Variants in AOPEP observed in about 807,000 individuals in gnomAD.
AOPEP encodes the protein aminopeptidase O.
Under a neutral mutation model 98.1 loss-of-function variants are expected in AOPEP, and 77 were observed. The observed-to-expected ratio is 0.78, with a 90% CI of 0.65 to 0.95. AOPEP has a LOEUF of 0.95. Among genes scored for constraint, AOPEP ranks in the 40% least tolerant of loss-of-function variants. AOPEP has a pLI of 0.00. For synonymous variants in AOPEP, 346 were observed against 365.3 expected (o/e 0.95, Z 0.60); for missense variants, 1,024 against 1,024.7 (o/e 1.00, Z 0.01).
chr9:94,912,430 T>C (rs1375630278), intron 5 of AOPEP, among the ~76,000 whole-genome samples: 1 of 151,974 alleles, frequency 6.6e-6, no homozygotes, highest in African/African-American at 2.4e-5. Context: ...AAAGAAGGAA[T>C]GTGATATGTT....
chr9:94,823,916 G>A (rs1474139250), intron 5 of AOPEP, among the ~76,000 whole-genome samples: 5 of 152,164 alleles, frequency 3.3e-5, no homozygotes, highest in African/African-American at 7.2e-5. Flanking sequence ...GTCACGTGAC[G>A]TTGAATTGTA....
At position 95,060,830 on chromosome 9, in the gene AOPEP, G is replaced by T; in HGVS notation, c.2232+20G>T. On this transcript the variant is annotated intron_variant, in intron 14 of 16. Transcript: ENST00000375315. Reference sequence around the variant, plus strand: ...GCAGAGGTAACCAGGAACACTCTCGGAGTTTAACCAGCAGGTCCCCACTGT... The same window carrying T: ...GCAGAGGTAACCAGGAACACTCTCGTAGTTTAACCAGCAGGTCCCCACTGT... 1 of 1,476,650 alleles carries T rather than the reference G, an allele frequency of 6.8e-7. No homozygotes were observed. The highest frequency in any genetic ancestry group is 9.5e-7 in the Non-Finnish European group (1 of 1,054,596). 91.5% of individuals were successfully genotyped at this position (1,476,650 alleles called of 1,614,324 possible).
chr9:95,023,556 T>G (rs2063621255), intron 13 of AOPEP, among the ~76,000 whole-genome samples: 1 of 152,212 alleles, frequency 6.6e-6, no homozygotes, highest in Non-Finnish European at 1.5e-5. Flanking sequence ...TAGAGCTGTT[T>G]TATTGATTTT....
chr9:94,979,523 T>A, intron 11 of AOPEP, 96 bp downstream of exon 11: 1 of 761,304 alleles, frequency 1.3e-6, no homozygotes, highest in Non-Finnish European at 2.3e-6. Context: ...AATATATGTG[T>A]AGGAAAGTAA....
At chr9:94,838,095 G>A (rs1004176787) in intron 5 of AOPEP, among the ~76,000 whole-genome samples, 1 of 151,910 alleles carries the variant, frequency 6.6e-6, no homozygotes, top group Admixed American at 6.6e-5. Flanking sequence ...TGCAAGCCCC[G>A]CCTCCTGGGT....
At chr9:94,787,904 C>T (rs1469409371) in intron 3 of AOPEP, among the ~76,000 whole-genome samples, 1 of 152,076 alleles carries the variant, frequency 6.6e-6, no homozygotes, top group Non-Finnish European at 1.5e-5. Flanking sequence ...GCATGTCCTT[C>T]AGTAAGATGC....
At chr9:94,826,088 G>A (rs1433536672) in intron 5 of AOPEP, among the ~76,000 whole-genome samples, 1 of 151,868 alleles carries the variant, frequency 6.6e-6, no homozygotes, top group Non-Finnish European at 1.5e-5. Flanking sequence ...GGTGAAATCT[G>A]TGTCAAAGCT....
chr9:95,100,942 T>C, the AOPEP span: 1 of 233,098 alleles, frequency 4.3e-6, no homozygotes, highest in Non-Finnish European at 8.5e-6. Context: ...GCCAATTCTT[T>C]ATCAGGAATT....
At chr9:95,067,466 G>C (rs1313464782) in intron 14 of AOPEP, among the ~76,000 whole-genome samples, 2 of 152,162 alleles carry the variant, frequency 1.3e-5, no homozygotes, top group Non-Finnish European at 2.9e-5. Flanking sequence ...TAGACCACCT[G>C]GTTTTGCCCA....
At chr9:95,101,114 G>C in the AOPEP span, 264 of 241,118 alleles carry the variant, frequency 1.1e-3, 1 homozygote, top group South Asian at 0.012. Context: ...AGAGTGGAAA[G>C]AGTGTGCCGG....
chr9:94,861,524 A>G (rs1044574258), intron 5 of AOPEP, among the ~76,000 whole-genome samples: 1 of 152,344 alleles, frequency 6.6e-6, no homozygotes, highest in Non-Finnish European at 1.5e-5. Flanking sequence ...AAGGTCAACA[A>G]CGACTTCCAT....
At chr9:95,031,622 G>T (rs550898991) in intron 13 of AOPEP, among the ~76,000 whole-genome samples, 11 of 152,290 alleles carry the variant, frequency 7.2e-5, no homozygotes, top group South Asian at 6.2e-4. Flanking sequence ...ATCAAAGGGG[G>T]CTGTTGGATT....
chr9:94,949,999 A>G (rs2057985043), intron 7 of AOPEP, among the ~76,000 whole-genome samples: 1 of 152,176 alleles, frequency 6.6e-6, no homozygotes, highest in Admixed American at 6.5e-5. Context: ...CCAGCCCTTA[A>G]AGGGTTTGCA....
chr9:94,776,654 T>G (rs1050789058), intron 3 of AOPEP, among the ~76,000 whole-genome samples: 5 of 152,222 alleles, frequency 3.3e-5, no homozygotes, highest in African/African-American at 1.2e-4. Context: ...GTTTTACAAT[T>G]TAGTTAACCA....
chr9:95,054,183 C>T (rs2066629096), intron 13 of AOPEP, among the ~76,000 whole-genome samples: 2 of 152,082 alleles, frequency 1.3e-5, no homozygotes, highest in Non-Finnish European at 2.9e-5. Flanking sequence ...GACAGAATCA[C>T]TTAGGAATTT....
the AOPEP span, among the ~76,000 whole-genome samples, chr9:95,146,208 C>T: frequency 6.6e-6 from 1 of 152,010 alleles, no homozygotes; most frequent in Non-Finnish European, 1.5e-5. Flanking sequence ...AGAATTGGGC[C>T]TGTCACAGTG....
chr9:94,819,762 G>T (rs963951442), intron 5 of AOPEP, among the ~76,000 whole-genome samples: 5 of 151,250 alleles, frequency 3.3e-5, no homozygotes, highest in African/African-American at 1.2e-4. Flanking sequence ...TCATAGAGAC[G>T]GGGTCTGACT....
intron 1 of AOPEP, among the ~76,000 whole-genome samples, chr9:94,750,389 TC>T (rs1835405716): frequency 6.6e-6 from 1 of 151,922 alleles, no homozygotes; most frequent in Non-Finnish European, 1.5e-5. Context: ...ATTGAGACCA[TC>T]CTGGCCAACA....
intron 1 of AOPEP, among the ~76,000 whole-genome samples, chr9:94,745,438 G>T (rs1195469129): frequency 6.6e-6 from 1 of 152,048 alleles, no homozygotes; most frequent in Admixed American, 6.6e-5. Flanking sequence ...ACCATGCCCG[G>T]CTAATTTTTT....
Sources: gnomAD v4.1 joint callset for allele counts (sites outside exome capture counted in the v4.1 genomes callset) on GRCh38, gnomAD v4.1.1 for gene constraint, MANE v1.5 for transcripts, NCBI Gene and HGNC (gene_info 2026-07-23, HGNC 2026-07-21) for gene names.